PXDNL: variants seen among roughly 807,000 people sequenced by gnomAD.
The protein encoded by PXDNL is peroxidasin like.
In PXDNL, 145 loss-of-function variants were observed where a neutral mutation model predicts 150.8. The ratio of observed to expected loss-of-function variants is 0.96; its 90% confidence interval spans 0.84 to 1.10. The LOEUF (loss-of-function observed/expected upper bound fraction) is 1.10. Ranked by LOEUF, PXDNL falls within the 50% of genes least tolerant of loss-of-function variation. The probability of loss-of-function intolerance (pLI) is 0.00; values close to 1 mark genes in which losing one functional copy is unlikely to be tolerated. For missense variants in PXDNL, 2,087 were observed against 1,873.9 expected, an observed-to-expected ratio of 1.11 and a Z score of -2.10; for synonymous variants, 757 against 725.7, an observed-to-expected ratio of 1.04 and a Z score of -0.69.
rs1466128374 is a variant in PXDNL at position 51,605,280 on chromosome 8, A to G, written c.237-12582T>C. 4.6e-5 allele frequency among the ~76,000 whole-genome samples: 7 copies of G among 152,288 alleles called. No individual in the cohort carries two copies. In the East Asian group the frequency reaches 7.7e-4, roughly 17 times the overall value. On this transcript the variant is annotated intron_variant, in intron 2 of 22. Transcript: ENST00000356297. ...CAAGATGAGAAACTATCAATTTGAT[A>G]AAGTAATTTTAAAGAATTGCTGAAA...
At chr8:51,751,244 G>A (rs1354825794) in intron 1 of PXDNL, among the ~76,000 whole-genome samples, 3 of 152,088 alleles carry the variant, frequency 2.0e-5, no homozygotes, top group African/African-American at 4.8e-5. Flanking sequence ...TTATCTGAAA[G>A]CTCAAAATTA....
intron 1 of PXDNL, among the ~76,000 whole-genome samples, chr8:51,783,551 A>G (rs2037434706): frequency 6.6e-6 from 1 of 152,218 alleles, no homozygotes; most frequent in Non-Finnish European, 1.5e-5. Context: ...AGATAACACA[A>G]GATACTTTGA....
intron 3 of PXDNL, among the ~76,000 whole-genome samples, chr8:51,565,313 A>G (rs201005894): frequency 8.9e-5 from 11 of 123,494 alleles, no homozygotes; most frequent in African/African-American, 2.0e-4. Context: ...TAAATAAATA[A>G]ATAAATAAAT....
At chr8:51,453,454 G>A (rs767339067) in intron 10 of PXDNL, 65 bp downstream of exon 10, 103 of 1,503,472 alleles carry the variant, frequency 6.9e-5, no homozygotes, top group Middle Eastern at 1.7e-4. Flanking sequence ...CATTATTTAA[G>A]TTGAAAAATA....
At chr8:51,394,323 C>G (rs1808009629) in intron 17 of PXDNL, among the ~76,000 whole-genome samples, 1 of 152,132 alleles carries the variant, frequency 6.6e-6, no homozygotes, top group Admixed American at 6.5e-5. Flanking sequence ...AAAGCTATCC[C>G]ATCCATAAAA....
chr8:51,446,957 C>T (rs755946910), intron 12 of PXDNL, 47 bp downstream of exon 12: 1 of 1,583,656 alleles, frequency 6.3e-7, no homozygotes, highest in Non-Finnish European at 8.7e-7. Context: ...AAGACACAGG[C>T]AGAAGGCACA....
At chr8:51,728,088 G>C (rs942348135) in intron 1 of PXDNL, among the ~76,000 whole-genome samples, 1 of 152,166 alleles carries the variant, frequency 6.6e-6, no homozygotes, top group South Asian at 2.1e-4. Context: ...TGCACTGGTG[G>C]TCCCATAGGA....
At chr8:51,779,431 G>GT (rs1472194680) in intron 1 of PXDNL, among the ~76,000 whole-genome samples, 3 of 152,228 alleles carry the variant, frequency 2.0e-5, no homozygotes, top group Non-Finnish European at 4.4e-5. Context: ...ACCCCTGACA[G>GT]TAAGAGTGAG....
intron 8 of PXDNL, among the ~76,000 whole-genome samples, chr8:51,459,100 C>T (rs1447076607): frequency 1.3e-5 from 2 of 152,188 alleles, no homozygotes; most frequent in Non-Finnish European, 2.9e-5. Flanking sequence ...CGTGAAGTTT[C>T]TCAGTGTAAG....
intron 1 of PXDNL, among the ~76,000 whole-genome samples, chr8:51,759,940 G>C (rs770565580): frequency 1.3e-5 from 2 of 152,166 alleles, no homozygotes; most frequent in Non-Finnish European, 2.9e-5. Flanking sequence ...AAAAGTTCAG[G>C]TGCTGTTTCT....
At chr8:51,661,080 G>A (rs906821260) in intron 1 of PXDNL, among the ~76,000 whole-genome samples, 2 of 152,146 alleles carry the variant, frequency 1.3e-5, no homozygotes, top group African/African-American at 4.8e-5. Context: ...AAAACAAGTC[G>A]TCTTCATCAT....
chr8:51,581,600 A>G (rs1813214488), intron 3 of PXDNL, among the ~76,000 whole-genome samples: 1 of 152,160 alleles, frequency 6.6e-6, no homozygotes, highest in Non-Finnish European at 1.5e-5. Context: ...GAAATTCATG[A>G]AAGCATAAAA....
chr8:51,406,176 G>T (rs1356745059), intron 17 of PXDNL, among the ~76,000 whole-genome samples: 1 of 152,208 alleles, frequency 6.6e-6, no homozygotes, highest in Non-Finnish European at 1.5e-5. Context: ...AATTTGTGGT[G>T]AATTTACAAG....
At chr8:51,475,656 G>A (rs545412861) in intron 6 of PXDNL, among the ~76,000 whole-genome samples, 1 of 152,078 alleles carries the variant, frequency 6.6e-6, no homozygotes, top group South Asian at 2.1e-4. Flanking sequence ...TAGATTCAGG[G>A]GGTACATATG....
intron 3 of PXDNL, among the ~76,000 whole-genome samples, chr8:51,576,010 G>C (rs1389293518): frequency 6.6e-6 from 1 of 151,250 alleles, no homozygotes; most frequent in Non-Finnish European, 1.5e-5. Flanking sequence ...AACAGAGCTA[G>C]AAAACATGCG....
intron 4 of PXDNL, among the ~76,000 whole-genome samples, chr8:51,509,390 T>C (rs2979122): frequency 0.47 from 71,524 of 151,648 alleles, 18,333 homozygotes; most frequent in African/African-American, 0.69. Context: ...GAATAAAATG[T>C]ACATCGCTCA....
chr8:51,624,049 T>C (rs1475861133), intron 2 of PXDNL, among the ~76,000 whole-genome samples: 1 of 127,658 alleles, frequency 7.8e-6, no homozygotes, highest in Non-Finnish European at 1.5e-5. Context: ...GCTGTGATCA[T>C]ACCACTGTAC....
At chr8:51,684,416 C>T (rs981441154) in intron 1 of PXDNL, among the ~76,000 whole-genome samples, 1 of 152,174 alleles carries the variant, frequency 6.6e-6, no homozygotes, top group African/African-American at 2.4e-5. Context: ...TTCAAAATTT[C>T]CCAGCAGACA....
At chr8:51,808,371 C>T (rs1423305488) in intron 1 of PXDNL, among the ~76,000 whole-genome samples, 1 of 151,966 alleles carries the variant, frequency 6.6e-6, no homozygotes, top group Non-Finnish European at 1.5e-5. Flanking sequence ...TTGAATTTGT[C>T]GTCTTTTTCT....
Sources: gnomAD v4.1 joint callset for allele counts (sites outside exome capture counted in the v4.1 genomes callset) on GRCh38, gnomAD v4.1.1 for gene constraint, MANE v1.5 for transcripts, NCBI Gene and HGNC (gene_info 2026-07-23, HGNC 2026-07-21) for gene names.